NFAT5: variants seen among roughly 807,000 people sequenced by gnomAD.
NFAT5 encodes nuclear factor of activated T-cells 5.
Under a neutral mutation model 166.5 loss-of-function variants are expected in NFAT5, and 31 were observed. The ratio of observed to expected loss-of-function variants is 0.19; its 90% CI spans 0.14 to 0.25. NFAT5 has a LOEUF of 0.25. Ranked by LOEUF, NFAT5 falls within the 10% of genes least tolerant of loss-of-function variation. NFAT5 has a pLI of 1.00. For missense variants in NFAT5, 1,449 were observed against 1,821.8 expected, an observed-to-expected ratio of 0.80 and a Z score of 3.72; for synonymous variants, 612 against 639.7, an observed-to-expected ratio of 0.96 and a Z score of 0.65.
intron 2 of NFAT5, among the ~76,000 whole-genome samples, chr16:69,623,603 G>A (rs1194372962): frequency 6.6e-6 from 1 of 151,812 alleles, no homozygotes; most frequent in African/African-American, 2.4e-5. Context: ...CGCCTCCCAG[G>A]TTTAAGCGGT....
At chr16:69,626,624 T>A (rs2151580730) in intron 3 of NFAT5, 96 bp downstream of exon 3, 1 of 1,100,000 alleles carries the variant, frequency 9.1e-7, no homozygotes, top group East Asian at 3.0e-5. Flanking sequence ...AAAAAGAGTG[T>A]GATTTGAGGG....
chr16:69,663,383 T>G (rs1021511476), intron 7 of NFAT5, among the ~76,000 whole-genome samples: 6 of 152,120 alleles, frequency 3.9e-5, no homozygotes, highest in Non-Finnish European at 7.4e-5. Context: ...TAGGTGTATA[T>G]GTTTTTTGTT....
chr16:69,588,626 G>A (rs2032252979), intron 2 of NFAT5, among the ~76,000 whole-genome samples: 1 of 152,182 alleles, frequency 6.6e-6, no homozygotes, highest in Non-Finnish European at 1.5e-5. Flanking sequence ...CTACTTACCA[G>A]AATCATCAAC....
chr16:69,682,308 T>C (rs1044054968), intron 10 of NFAT5, among the ~76,000 whole-genome samples: 4 of 147,324 alleles, frequency 2.7e-5, no homozygotes, highest in East Asian at 2.0e-4. Flanking sequence ...TTTTTTTTTT[T>C]CTAAAAAAGA....
At chr16:69,573,695 T>C (rs1313603276) in intron 2 of NFAT5, among the ~76,000 whole-genome samples, 2 of 152,126 alleles carry the variant, frequency 1.3e-5, no homozygotes, top group Admixed American at 1.3e-4. Flanking sequence ...ATACTGGAAT[T>C]CTATTGCTTA....
At chr16:69,677,425 A>G (rs941104278) in intron 10 of NFAT5, 90 bp downstream of exon 10, 1 of 1,100,640 alleles carries the variant, frequency 9.1e-7, no homozygotes, top group Admixed American at 2.9e-5. Context: ...AACCAAAAAG[A>G]AAGTTGCTCA....
chr16:69,623,368 G>T (rs1420786092), intron 2 of NFAT5, among the ~76,000 whole-genome samples: 1 of 150,470 alleles, frequency 6.6e-6, no homozygotes, highest in Admixed American at 6.6e-5. Flanking sequence ...TGCTTTGTTG[G>T]CCAGGCTGAA....
chr16:69,620,291 A>C (rs2034138617), intron 2 of NFAT5, among the ~76,000 whole-genome samples: 1 of 152,232 alleles, frequency 6.6e-6, no homozygotes, highest in Non-Finnish European at 1.5e-5. Flanking sequence ...GAGTTATTAT[A>C]TCGCACTTGC....
intron 2 of NFAT5, among the ~76,000 whole-genome samples, chr16:69,573,779 T>A (rs1372933248): frequency 6.6e-6 from 1 of 152,116 alleles, no homozygotes; most frequent in South Asian, 2.1e-4. Context: ...CTCTTGACTC[T>A]GATTATTCCA....
At chr16:69,668,514 T>C (rs781700750) in intron 7 of NFAT5, among the ~76,000 whole-genome samples, 1 of 152,192 alleles carries the variant, frequency 6.6e-6, no homozygotes, top group Non-Finnish European at 1.5e-5. Flanking sequence ...GTGTTTCATG[T>C]ACAGCTATAC....
At chr16:69,602,517 T>A (rs1032705013) in intron 2 of NFAT5, among the ~76,000 whole-genome samples, 1 of 151,934 alleles carries the variant, frequency 6.6e-6, no homozygotes, top group African/African-American at 2.4e-5. Context: ...ATCCGCCACC[T>A]CAGCCTCCCA....
At chr16:69,661,551 A>G (rs1198409977) in intron 7 of NFAT5, among the ~76,000 whole-genome samples, 6 of 147,846 alleles carry the variant, frequency 4.1e-5, no homozygotes, top group Admixed American at 6.7e-5. Context: ...AAAAAAAAAA[A>G]AAAAAAAAAA....
chr16:69,688,209 A>AAAAAC lies in NFAT5; in HGVS notation c.1775-2727_1775-2726insCAAAA, dbSNP rs1555533463. On this transcript the variant is annotated intron_variant, in intron 11 of 14. Transcript: ENST00000349945. ...CAGAGCGAGACTCCGTCTCAAAAAA[A>AAAAAC]AAAAAAAAAAAAAAAAACCAGGAGT... Among the ~76,000 whole-genome samples, 97 of 120,744 alleles carry AAAAAC rather than the reference A, an allele frequency of 8.0e-4. 1 individual carries two copies. The highest frequency in any genetic ancestry group is 3.9e-3 in the African/African-American group (94 of 24,160). 79.2% of individuals were successfully genotyped at this position (120,744 alleles called of 152,430 possible).
intron 9 of NFAT5, 39 bp from the exon 10 acceptor site, chr16:69,677,164 T>C (rs1428033984): frequency 1.6e-5 from 25 of 1,575,604 alleles, no homozygotes; most frequent in Non-Finnish European, 2.0e-5. Flanking sequence ...AATTTAAGTA[T>C]TGCTTCTTTT....
At chr16:69,629,520 C>T (rs991512609) in intron 3 of NFAT5, among the ~76,000 whole-genome samples, 15 of 151,968 alleles carry the variant, frequency 9.9e-5, no homozygotes, top group African/African-American at 3.4e-4. Context: ...GTCAAGGTGT[C>T]GGGGAAAGGG....
intron 2 of NFAT5, among the ~76,000 whole-genome samples, chr16:69,622,783 TTTTCTC>T (rs1353839458): frequency 6.6e-6 from 1 of 151,662 alleles, no homozygotes; most frequent in Non-Finnish European, 1.5e-5. Context: ...GGGTAGATCT[TTTTCTC>T]TTTTTATCGA....
chr16:69,680,203 G>T (rs1468579642), intron 10 of NFAT5, among the ~76,000 whole-genome samples: 1 of 152,158 alleles, frequency 6.6e-6, no homozygotes, highest in Non-Finnish European at 1.5e-5. Context: ...TGTTTGGCAG[G>T]AGCTTGCACA....
At chr16:69,649,072 A>C (rs2035566166) in intron 4 of NFAT5, 1 of 855,826 alleles carries the variant, frequency 1.2e-6, no homozygotes. Flanking sequence ...ACTCTTTCCT[A>C]AAATGTTGCC....
In NFAT5 at chr16:69,695,279, G is replaced by A; in HGVS notation, c.4558G>A (p.Ala1520Thr). The A allele has an allele frequency of 2.5e-6, 4 of 1,614,060 alleles. No individual in the cohort carries two copies. Among genetic ancestry groups the A allele is most frequent in the Non-Finnish European group, 3.4e-6 (4 of 1,180,006 alleles). ...GCAAATGCCAGAGAATTCTCCACTG[G>A]CATCCTCTATAAACACCAACCAGAA... ...SQQMPENSPLASSINTNQNIE... is the reference protein window; with the variant it reads ...SQQMPENSPLTSSINTNQNIE... Residue 1520 changes from alanine (A) to threonine (T), a missense_variant, in exon 14 of 15, where the codon GCA becomes ACA. Transcript: ENST00000349945.
Sources: allele counts gnomAD v4.1 joint callset (sites outside exome capture counted in the v4.1 genomes callset), GRCh38; gene constraint gnomAD v4.1.1; transcripts MANE v1.5; gene names NCBI Gene and HGNC (gene_info 2026-07-23, HGNC 2026-07-21).